RNPC3: variants seen among roughly 807,000 people sequenced by gnomAD.
The protein encoded by RNPC3 is RNA binding region (RNP1, RRM) containing 3, also known as RNA-binding region-containing protein 3.
Under a neutral mutation model 67.5 loss-of-function variants are expected in RNPC3, and 48 were observed. The observed-to-expected ratio is 0.71, with a 90% confidence interval of 0.56 to 0.90. The LOEUF (loss-of-function observed/expected upper bound fraction) is 0.90. Among genes scored for constraint, RNPC3 ranks in the 40% least tolerant of loss-of-function variants. RNPC3 has a pLI of 0.00. For missense variants in RNPC3, 637 were observed against 626.1 expected, an observed-to-expected ratio of 1.02 and a Z score of -0.19; for synonymous variants, 239 against 210.3, an observed-to-expected ratio of 1.14 and a Z score of -1.18.
intron 3 of RNPC3, 125 bp from the exon 4 acceptor site, chr1:103,534,649 G>GTTTTT: frequency 9.7e-6 from 5 of 514,974 alleles, no homozygotes; most frequent in Admixed American, 4.0e-5. Flanking sequence ...ATACTTGAAA[G>GTTTTT]TTTTTTTTTT....
rs1650703111 is a variant in RNPC3 at position 103,526,225 on chromosome 1, C to T, written c.155C>T (p.Ala52Val). 1 of 1,551,124 alleles carries T rather than the reference C, an allele frequency of 6.4e-7. No homozygotes were observed. The highest frequency in any genetic ancestry group is 1.4e-5 in the African/African-American group (1 of 73,014). ...GAGGACTTGCTGAAGTACTTCGGGGCTCAGTCTGTGCGGGTCCTGTCAGAT... is the reference window on the plus strand; with the variant it reads ...GAGGACTTGCTGAAGTACTTCGGGGTTCAGTCTGTGCGGGTCCTGTCAGAT... The part of the protein sequence containing the change: ...EKEDLLKYFG[A>V]QSVRVLSDKG... The change falls in exon 1 of 15, where the codon GCT becomes GTT. Residue 52 changes from alanine (A) to valine (V), a missense_variant. By Grantham distance (64) the Ala-to-Val change is moderately conservative. Coordinates refer to ENST00000423855, the MANE Select transcript of RNPC3 (RefSeq NM_017619.4).
At chr1:103,532,449 G>A (rs143963102) in intron 2 of RNPC3, among the ~76,000 whole-genome samples, 241 of 152,172 alleles carry the variant, frequency 1.6e-3, no homozygotes, top group African/African-American at 5.2e-3. Context: ...TCTATGGGGC[G>A]CTATCCATTA....
At chr1:103,535,496 T>A in intron 5 of RNPC3, 55 bp downstream of exon 5, 1 of 1,050,854 alleles carries the variant, frequency 9.5e-7, no homozygotes, top group Non-Finnish European at 1.4e-6. Context: ...TGATACTTTA[T>A]TTTTCATGCT....
At chr1:103,530,320 G>A (rs533702177) in intron 2 of RNPC3, among the ~76,000 whole-genome samples, 1 of 152,254 alleles carries the variant, frequency 6.6e-6, no homozygotes, top group Admixed American at 6.5e-5. Flanking sequence ...GATCAGGAGT[G>A]CTAAGTGGGG....
At chr1:103,527,347 G>A (rs145811884) in intron 1 of RNPC3, among the ~76,000 whole-genome samples, 1 of 152,340 alleles carries the variant, frequency 6.6e-6, no homozygotes, top group African/African-American at 2.4e-5. Context: ...ATAGAGGAAA[G>A]TTTAAAATCT....
At chr1:103,536,307 C>A in intron 6 of RNPC3, 113 bp downstream of exon 6, 1 of 716,968 alleles carries the variant, frequency 1.4e-6, no homozygotes, top group Non-Finnish European at 2.4e-6. Context: ...AAATAAGGAA[C>A]GGGTATAAAG....
chr1:103,532,730 A>G (rs1650888627), intron 2 of RNPC3, among the ~76,000 whole-genome samples: 1 of 152,218 alleles, frequency 6.6e-6, no homozygotes, highest in South Asian at 2.1e-4. Context: ...AGTGAATGAC[A>G]TGTATCCAGG....
intron 12 of RNPC3, 64 bp from the exon 13 acceptor site, chr1:103,550,877 T>G (rs953438120): frequency 1.2e-5 from 18 of 1,507,928 alleles, no homozygotes; most frequent in Non-Finnish European, 1.6e-5. Context: ...GTTAGATTAT[T>G]CAACACATTT....
intron 2 of RNPC3, among the ~76,000 whole-genome samples, chr1:103,530,364 C>T (rs1338751189): frequency 6.6e-6 from 1 of 152,048 alleles, no homozygotes; most frequent in Non-Finnish European, 1.5e-5. Context: ...TATATTTGAA[C>T]AACAATTTGA....
chr1:103,534,695 A>T (rs1650939617), intron 3 of RNPC3, 79 bp from the exon 4 acceptor site: 2 of 739,232 alleles, frequency 2.7e-6, no homozygotes. Flanking sequence ...GACATGTTTG[A>T]AAAGGTAATT....
intron 2 of RNPC3, among the ~76,000 whole-genome samples, chr1:103,531,043 T>C (rs1343134977): frequency 1.3e-5 from 2 of 152,218 alleles, no homozygotes; most frequent in Non-Finnish European, 2.9e-5. Flanking sequence ...ATCATTCTTA[T>C]GCCTTTGGGT....
chr1:103,528,311 T>TC (rs975468124), intron 2 of RNPC3, among the ~76,000 whole-genome samples: 6 of 152,188 alleles, frequency 3.9e-5, no homozygotes, highest in African/African-American at 1.4e-4. Flanking sequence ...TTGAGCTGGC[T>TC]CATAATATGA....
chr1:103,532,368 T>A (rs1359108294), intron 2 of RNPC3, among the ~76,000 whole-genome samples: 1 of 152,130 alleles, frequency 6.6e-6, no homozygotes, highest in Non-Finnish European at 1.5e-5. Flanking sequence ...TAGAGATGGC[T>A]CCTGGTGGAG....
intron 9 of RNPC3, among the ~76,000 whole-genome samples, chr1:103,544,677 C>T (rs1426322825): frequency 6.6e-6 from 1 of 151,374 alleles, no homozygotes; most frequent in African/African-American, 2.4e-5. Context: ...TCAGGTAGCT[C>T]CTTTTTAGTG....
At chr1:103,540,930 G>T (rs1365975490) in intron 7 of RNPC3, among the ~76,000 whole-genome samples, 1 of 152,078 alleles carries the variant, frequency 6.6e-6, no homozygotes, top group Non-Finnish European at 1.5e-5. Context: ...GCTTTTAAAT[G>T]ACATATTTCA....
intron 7 of RNPC3, among the ~76,000 whole-genome samples, chr1:103,540,613 C>CT (rs1483389221): frequency 1.3e-5 from 2 of 152,080 alleles, no homozygotes; most frequent in Non-Finnish European, 2.9e-5. Context: ...AGGTTTAAAG[C>CT]TTATTTGAAC....
At chr1:103,552,481 G>A (rs779353432) in intron 14 of RNPC3, 3 of 151,974 alleles carry the variant, frequency 2.0e-5, no homozygotes, top group Admixed American at 6.6e-5. Context: ...AATAATTCTG[G>A]CTGAGCACGG....
chr1:103,532,569 A>G (rs1650885198), intron 2 of RNPC3, among the ~76,000 whole-genome samples: 1 of 152,138 alleles, frequency 6.6e-6, no homozygotes, highest in Non-Finnish European at 1.5e-5. Context: ...AATCACCAAC[A>G]TAATATGTTG....
intron 3 of RNPC3, 28 bp downstream of exon 3, chr1:103,533,885 T>A: frequency 8.9e-7 from 1 of 1,121,666 alleles, no homozygotes; most frequent in African/African-American, 1.6e-5. Flanking sequence ...TCATACATTT[T>A]TGTTACATTT....
Sources: allele counts gnomAD v4.1 joint callset (sites outside exome capture counted in the v4.1 genomes callset), GRCh38; gene constraint gnomAD v4.1.1; transcripts MANE v1.5; gene names NCBI Gene and HGNC (gene_info 2026-07-23, HGNC 2026-07-21).